CNTNAP2: variants seen among roughly 807,000 people sequenced by gnomAD.
The protein encoded by CNTNAP2 is contactin associated protein 2.
Under a neutral mutation model 155.2 loss-of-function variants are expected in CNTNAP2, and 98 were observed. That is an observed-to-expected ratio of 0.63 (90% CI 0.54 to 0.75). The LOEUF is 0.75. Among genes scored for constraint, CNTNAP2 ranks in the 30% least tolerant of loss-of-function variants. The pLI is 0.00. For missense variants in CNTNAP2, 1,727 were observed against 1,688.1 expected, an observed-to-expected ratio of 1.02 and a Z score of -0.40; for synonymous variants, 651 against 631.2, an observed-to-expected ratio of 1.03 and a Z score of -0.47.
Position 148,376,312 on chromosome 7 carries a change from G to A in CNTNAP2, c.3476-7337G>A, listed in dbSNP as rs184399866. ...GGGATAGGATTGCTTGAAGCCAGGA[G>A]TTCGAGACCAGCCTGGGCAACATAA... On this transcript the variant is annotated intron_variant, in intron 21 of 23. Coordinates refer to ENST00000361727, the MANE Select transcript of CNTNAP2 (RefSeq NM_014141.6). Among the ~76,000 whole-genome samples the A allele has an allele frequency of 3.0e-5, 2 of 66,016 alleles. 1 individual carries two copies. The highest frequency in any genetic ancestry group is 7.4e-5 in the African/African-American group (2 of 26,940). 43.3% of individuals were successfully genotyped at this position (66,016 alleles called of 152,430 possible). A position where few individuals can be genotyped will look rare whatever the true frequency, so the allele number is the denominator to read the frequency against.
At chr7:146,416,137 C>T (rs1211253142) in intron 1 of CNTNAP2, among the ~76,000 whole-genome samples, 2 of 143,038 alleles carry the variant, frequency 1.4e-5, no homozygotes, top group Non-Finnish European at 3.0e-5. Flanking sequence ...TTCCAACTGG[C>T]CTTTATTTCA....
chr7:147,026,073 C>T lies in CNTNAP2; in HGVS notation c.403-17834C>T, dbSNP rs574183321. On this transcript the variant is annotated intron_variant, in intron 3 of 23. Coordinates refer to ENST00000361727, the MANE Select transcript of CNTNAP2 (RefSeq NM_014141.6). ...CAGGGTTTCACCATGTTGGCCAGGACGGTCTGGAATGCCTGACCTCAAGTG... is the reference window on the plus strand; with the variant it reads ...CAGGGTTTCACCATGTTGGCCAGGATGGTCTGGAATGCCTGACCTCAAGTG... 2.1e-4 allele frequency among the ~76,000 whole-genome samples: 32 copies of T among 152,062 alleles called. No homozygotes were observed. In the South Asian group the frequency reaches 3.5e-3, roughly 17 times the overall value.
chr7:148,349,405 CTCT>C (rs1798381379), intron 21 of CNTNAP2, among the ~76,000 whole-genome samples: 7 of 135,634 alleles, frequency 5.2e-5, no homozygotes, highest in South Asian at 2.3e-4. Context: ...AAAAAAATCT[CTCT>C]TTTTTTTTTT....
At position 146,885,198 on chromosome 7, in the gene CNTNAP2, A is replaced by G. The variant is rs188602411; in HGVS notation, c.402+45294A>G. Among the ~76,000 whole-genome samples, 624 of 152,288 alleles carry G rather than the reference A, an allele frequency of 4.1e-3. 12 individuals carry two copies. The highest frequency in any genetic ancestry group is 0.014 in the African/African-American group (565 of 41,568). ...AAATGAAATTATAATTTGCTTCCGAAATGTTAAGTTACTCTTAACGTCTTT... is the reference window on the plus strand; with the variant it reads ...AAATGAAATTATAATTTGCTTCCGAGATGTTAAGTTACTCTTAACGTCTTT... On this transcript the variant is annotated intron_variant, in intron 3 of 23. Transcript: ENST00000361727.
intron 1 of CNTNAP2, among the ~76,000 whole-genome samples, chr7:146,656,669 A>G (rs1415653575): frequency 1.3e-5 from 2 of 152,214 alleles, no homozygotes; most frequent in Non-Finnish European, 2.9e-5. Flanking sequence ...AGGCTTTGCC[A>G]AGACTTTACC....
At chr7:148,358,682 G>A (rs552948195) in intron 21 of CNTNAP2, among the ~76,000 whole-genome samples, 10 of 152,254 alleles carry the variant, frequency 6.6e-5, no homozygotes, top group Admixed American at 2.0e-4. Flanking sequence ...GCTTTCAAGC[G>A]CGTAATCAGG....
chr7:148,316,741 T>C (rs896969236), intron 21 of CNTNAP2, among the ~76,000 whole-genome samples: 3 of 152,172 alleles, frequency 2.0e-5, no homozygotes, highest in African/African-American at 7.2e-5. Flanking sequence ...AATAGAAAGA[T>C]GTGAGAAGTC....
intron 4 of CNTNAP2, among the ~76,000 whole-genome samples, chr7:147,086,926 C>T (rs1800291231): frequency 6.6e-6 from 1 of 152,220 alleles, no homozygotes; most frequent in Admixed American, 6.5e-5. Context: ...TTAAGTTTTA[C>T]ACCTGTTACT....
chr7:146,535,199 T>TATATCATATATATGATATTATATCAC, intron 1 of CNTNAP2, among the ~76,000 whole-genome samples: 1 of 42,806 alleles, frequency 2.3e-5, no homozygotes, highest in Non-Finnish European at 3.3e-5. Flanking sequence ...TATTATATCA[T>TATATCATATATATGATATTATATCAC]ATATCATATA....
intron 5 of CNTNAP2, among the ~76,000 whole-genome samples, chr7:147,112,200 C>T (rs1266810402): frequency 6.6e-6 from 1 of 152,080 alleles, no homozygotes; most frequent in Non-Finnish European, 1.5e-5. Flanking sequence ...TATAGGAATG[C>T]TTGTGATTTT....
chr7:146,899,011 C>A (rs1349891985), intron 3 of CNTNAP2, among the ~76,000 whole-genome samples: 1 of 152,088 alleles, frequency 6.6e-6, no homozygotes, highest in African/African-American at 2.4e-5. Flanking sequence ...ATAAATTATT[C>A]AACCTTTGTG....
chr7:146,691,555 T>C (rs995557605), intron 1 of CNTNAP2, among the ~76,000 whole-genome samples: 1 of 152,160 alleles, frequency 6.6e-6, no homozygotes, highest in Admixed American at 6.5e-5. Context: ...ATGATTCTAC[T>C]CAATACTCAT....
Position 148,217,483 on chromosome 7 carries a change from C to T in CNTNAP2, c.3206C>T (p.Ser1069Phe). 2 of 1,614,172 alleles carry T rather than the reference C, an allele frequency of 1.2e-6. No homozygotes were observed. Among genetic ancestry groups the T allele is most frequent in the Non-Finnish European group, 1.7e-6 (2 of 1,180,032 alleles). Residue 1069 changes from serine (S) to phenylalanine (F), a missense_variant, in exon 19 of 24, where the codon TCC becomes TTC. By Grantham distance (155) the Ser-to-Phe change is radical (BLOSUM62 -2). Coordinates refer to ENST00000361727, the MANE Select transcript of CNTNAP2 (RefSeq NM_014141.6). ...KAPCILLYISSFTTDFLAVLV... is the reference protein window; with the variant it reads ...KAPCILLYISFFTTDFLAVLV... ...CCCTGCATTCTCCTCTACATCAGCT[C>T]CTTCACCACAGACTTCTTGGCAGTC...
intron 2 of CNTNAP2, among the ~76,000 whole-genome samples, chr7:146,800,517 A>C (rs1022982867): frequency 1.3e-5 from 2 of 152,190 alleles, no homozygotes; most frequent in African/African-American, 2.4e-5. Context: ...CTGCAAGGGA[A>C]GCTGAGAAAA....
intron 1 of CNTNAP2, among the ~76,000 whole-genome samples, chr7:146,721,889 A>ATATATATATATATATATATATATT: frequency 2.9e-5 from 2 of 69,738 alleles, no homozygotes; most frequent in Non-Finnish European, 2.4e-5. Context: ...ATATATATAT[A>ATATATATATATATATATATATATT]TTTTTTTTTT....
intron 1 of CNTNAP2, among the ~76,000 whole-genome samples, chr7:146,416,171 G>A (rs566681558): frequency 6.6e-6 from 1 of 150,378 alleles, no homozygotes; most frequent in East Asian, 2.0e-4. Flanking sequence ...GAAAAAAGAT[G>A]AGTTGATCTG....
chr7:148,256,206 C>A (rs73170578), intron 20 of CNTNAP2, among the ~76,000 whole-genome samples: 4 of 152,070 alleles, frequency 2.6e-5, no homozygotes, highest in Non-Finnish European at 4.4e-5. Context: ...CATCCATCAC[C>A]AAAACCGGTC....
chr7:148,356,910 A>AAAC (rs1798527092), intron 21 of CNTNAP2, among the ~76,000 whole-genome samples: 1 of 149,162 alleles, frequency 6.7e-6, no homozygotes, highest in African/African-American at 2.5e-5. Context: ...CAAAAAAACA[A>AAAC]AAAAAAAAAC....
intron 15 of CNTNAP2, among the ~76,000 whole-genome samples, chr7:148,022,804 C>T (rs1047583525): frequency 1.3e-5 from 2 of 152,112 alleles, no homozygotes; most frequent in Admixed American, 1.3e-4. Flanking sequence ...CTTGTAGCCA[C>T]ACCGTCTGCC....
Sources: gnomAD v4.1 joint callset for allele counts (sites outside exome capture counted in the v4.1 genomes callset) on GRCh38, gnomAD v4.1.1 for gene constraint, MANE v1.5 for transcripts, NCBI Gene and HGNC (gene_info 2026-07-23, HGNC 2026-07-21) for gene names.